The following EFHB variants were observed in gnomAD, a reference collection of about 807,000 sequenced individuals.
EFHB encodes the protein EF-hand domain family member B, also known as EF-hand domain-containing family member B.
Under a neutral mutation model 87.2 loss-of-function variants are expected in EFHB, and 91 were observed. The observed-to-expected ratio is 1.04, with a 90% CI of 0.88 to 1.24. The LOEUF is 1.24. Among genes scored for constraint, EFHB ranks in the 50% most tolerant of loss-of-function variants. The pLI is 0.00. For missense variants in EFHB, 1,084 were observed against 998.8 expected (o/e 1.09, Z -1.15); for synonymous variants, 325 against 333.6 (o/e 0.97, Z 0.28).
intron 11 of EFHB, 177 bp downstream of exon 11, chr3:19,884,226 C>A: frequency 1.7e-6 from 1 of 589,656 alleles, no homozygotes; most frequent in Non-Finnish European, 2.9e-6. Flanking sequence ...ATTGGCAATT[C>A]CGTTCAATCA....
chr3:19,918,587 A>T (rs1695319730), intron 3 of EFHB, among the ~76,000 whole-genome samples, 175 bp from the exon 4 acceptor site: 1 of 152,146 alleles, frequency 6.6e-6, no homozygotes, highest in South Asian at 2.1e-4. Flanking sequence ...ATGAAGTTTA[A>T]ACACGCCTAC....
intron 10 of EFHB, among the ~76,000 whole-genome samples, chr3:19,886,546 C>A (rs113403758): frequency 6.6e-6 from 1 of 151,818 alleles, no homozygotes; most frequent in Non-Finnish European, 1.5e-5. Flanking sequence ...AGTTCACAAC[C>A]AGCCTGGGCA....
chr3:19,884,452 C>G lies in EFHB; in HGVS notation c.2097G>C (p.Lys699Asn). Residue 699 changes from lysine to asparagine, a missense_variant, in exon 11 of 13, where the codon AAG (lysine) becomes AAC (asparagine). By Grantham distance (94) the Lys-to-Asn change is moderately conservative. Transcript: ENST00000295824. Reference protein sequence around the residue: ...RPSDKVSNYYKTTSSEINAIV... With the variant: ...RPSDKVSNYYNTTSSEINAIV... ...TTGCATTGATCTCAGAAGAAGTTGT[C>G]TTATAGTAGTTGGAAACTTTATCAC... 1 of 1,613,874 alleles carries G rather than the reference C, an allele frequency of 6.2e-7. No homozygotes were observed. The highest frequency in any genetic ancestry group is 1.1e-5 in the South Asian group (1 of 91,082).
intron 1 of EFHB, among the ~76,000 whole-genome samples, chr3:19,924,638 C>A (rs1695554899): frequency 6.6e-6 from 1 of 152,178 alleles, no homozygotes; most frequent in African/African-American, 2.4e-5. Flanking sequence ...GAAGACTCAT[C>A]AACCTTGTTT....
At chr3:19,929,207 CTTT>C (rs34805655) in intron 1 of EFHB, among the ~76,000 whole-genome samples, 1 of 146,442 alleles carries the variant, frequency 6.8e-6, no homozygotes. Flanking sequence ...TTTTTTTTAA[CTTT>C]TTTTTTTTTT....
At chr3:19,942,309 G>C (rs1032778307) in intron 1 of EFHB, 1 of 153,370 alleles carries the variant, frequency 6.5e-6, no homozygotes, top group Admixed American at 6.5e-5. Flanking sequence ...AATAGTTCCA[G>C]CATCTTTGGT....
chr3:19,934,043 T>A lies in EFHB; in HGVS notation c.-25A>T. On this transcript the variant is annotated 5_prime_UTR_variant, in exon 1 of 13. Coordinates refer to ENST00000295824, the MANE Select transcript of EFHB (RefSeq NM_144715.4). Reference sequence around the variant, plus strand: ...TGGACGATTTCTCCCCATTCTCATTTCTCCAAGAGCGCTCATCTCTAAGGG... The same window carrying A: ...TGGACGATTTCTCCCCATTCTCATTACTCCAAGAGCGCTCATCTCTAAGGG... The A allele has an allele frequency of 6.4e-7, 1 of 1,565,602 alleles. No homozygotes were observed.
At chr3:19,920,148 A>G (rs1695387907) in intron 2 of EFHB, among the ~76,000 whole-genome samples, 172 bp from the exon 3 acceptor site, 1 of 152,200 alleles carries the variant, frequency 6.6e-6, no homozygotes, top group Non-Finnish European at 1.5e-5. Flanking sequence ...TTATTAATGA[A>G]AGTAAAAAAC....
intron 1 of EFHB, among the ~76,000 whole-genome samples, chr3:19,930,126 C>T (rs1575047425): frequency 2.0e-5 from 3 of 152,094 alleles, no homozygotes; most frequent in South Asian, 4.1e-4. Context: ...TATTAATAAT[C>T]GTGAAACAGT....
chr3:19,915,199 T>C, intron 5 of EFHB, 104 bp downstream of exon 5: 1 of 673,374 alleles, frequency 1.5e-6, no homozygotes, highest in African/African-American at 1.8e-5. Context: ...TAGTTACCTA[T>C]TACATGGCAG....
chr3:19,895,886 G>A (rs1694464478), intron 9 of EFHB, among the ~76,000 whole-genome samples: 1 of 152,156 alleles, frequency 6.6e-6, no homozygotes, highest in South Asian at 2.1e-4. Flanking sequence ...CTCAGCATAA[G>A]CTAAAGGCAG....
rs1694151968 is a variant in EFHB at position 19,887,602 on chromosome 3, C to T, written c.1933+842G>A. On this transcript the variant is annotated intron_variant, in intron 10 of 12. Coordinates refer to ENST00000295824, the MANE Select transcript of EFHB (RefSeq NM_144715.4). Reference sequence around the variant, plus strand: ...TGGACCTCACTGGAAGAAGACTTATCTTGGGCCACACATAAAGTACACTAA... The same window carrying T: ...TGGACCTCACTGGAAGAAGACTTATTTTGGGCCACACATAAAGTACACTAA... 2.0e-5 allele frequency among the ~76,000 whole-genome samples: 3 copies of T among 152,066 alleles called. No individual in the cohort carries two copies. In the South Asian group the frequency reaches 6.2e-4, roughly 32 times the overall value.
chr3:19,901,078 A>G (rs145145543), intron 6 of EFHB, among the ~76,000 whole-genome samples: 284 of 152,342 alleles, frequency 1.9e-3, no homozygotes, highest in African/African-American at 6.4e-3. Flanking sequence ...TGCATTTTCA[A>G]TGCTGGCATA....
chr3:19,898,757 G>C, intron 8 of EFHB, 21 bp downstream of exon 8: 8 of 1,611,010 alleles, frequency 5.0e-6, no homozygotes, highest in Non-Finnish European at 6.8e-6. Flanking sequence ...GGTTTTTTAC[G>C]GAGAAAGTGT....
chr3:19,886,634 C>T (rs1694108301), intron 10 of EFHB, among the ~76,000 whole-genome samples: 1 of 123,600 alleles, frequency 8.1e-6, no homozygotes, highest in East Asian at 2.8e-4. Context: ...TATGATTGCA[C>T]CACTGCACTC....
In EFHB at chr3:19,944,622, A is replaced by T. The variant is rs551187080; in HGVS notation, c.-32+2297T>A. Reference sequence around the variant, plus strand: ...ACCAGGGCAGCACTCTTCCAGGCAAACATTATGACTAAACTGTAAAATATT... The same window carrying T: ...ACCAGGGCAGCACTCTTCCAGGCAATCATTATGACTAAACTGTAAAATATT... On this transcript the variant is annotated intron_variant, in intron 1 of 14. Coordinates refer to the EFHB transcript ENST00000344838. Among the ~76,000 whole-genome samples, 5 of 152,358 alleles carry T rather than the reference A, an allele frequency of 3.3e-5. No individual in the cohort carries two copies. In the South Asian group the frequency reaches 1.0e-3, roughly 32 times the overall value.
chr3:19,927,448 T>C (rs936723056), intron 1 of EFHB, among the ~76,000 whole-genome samples: 1 of 152,198 alleles, frequency 6.6e-6, no homozygotes, highest in Non-Finnish European at 1.5e-5. Flanking sequence ...TCCACATCCA[T>C]GACTGTTTTA....
upstream of EFHB, among the ~76,000 whole-genome samples, chr3:19,936,644 G>C (rs145837415): frequency 7.8e-3 from 1,193 of 152,220 alleles, 10 homozygotes; most frequent in Non-Finnish European, 0.013. Flanking sequence ...TAGGCGGGTG[G>C]ATCATTTGAG....
chr3:19,905,083 C>A (rs751525666), intron 6 of EFHB, among the ~76,000 whole-genome samples: 29 of 152,176 alleles, frequency 1.9e-4, no homozygotes, highest in Admixed American at 1.3e-4. Context: ...AACTATTCAA[C>A]AAAGCTGAAT....
Sources: allele counts gnomAD v4.1 joint callset (sites outside exome capture counted in the v4.1 genomes callset), GRCh38; gene constraint gnomAD v4.1.1; transcripts MANE v1.5; gene names NCBI Gene and HGNC (gene_info 2026-07-23, HGNC 2026-07-21).